Variants in EFNA5 observed in about 807,000 individuals in gnomAD.
The protein encoded by EFNA5 is ephrin-A5.
Under a neutral mutation model 22.9 loss-of-function variants are expected in EFNA5, and 5 were observed. The ratio of observed to expected loss-of-function variants is 0.22; its 90% CI spans 0.11 to 0.46. The LOEUF is 0.46. Ranked by LOEUF, EFNA5 falls within the 20% of genes least tolerant of loss-of-function variation. EFNA5 has a pLI of 0.99. For synonymous variants in EFNA5, 113 were observed against 112.2 expected, an observed-to-expected ratio of 1.01 and a Z score of -0.04; for missense variants, 237 against 293.3, an observed-to-expected ratio of 0.81 and a Z score of 1.40.
Position 107,433,734 on chromosome 5 carries a change from A to G in EFNA5, c.126-6225T>C, listed in dbSNP as rs554098866. On this transcript the variant is annotated intron_variant, in intron 1 of 4. Coordinates refer to ENST00000333274, the MANE Select transcript of EFNA5 (RefSeq NM_001962.3). ...ATATAGTGAGACTCCATCTCTATAA[A>G]ACATTTTTTTAAAAAAATTAGCCAG... Among the ~76,000 whole-genome samples the G allele has an allele frequency of 4.6e-5, 7 of 152,034 alleles. No individual in the cohort carries two copies. In the East Asian group the frequency reaches 1.4e-3, roughly 29 times the overall value.
intron 1 of EFNA5, among the ~76,000 whole-genome samples, chr5:107,492,690 A>G (rs1393720224): frequency 6.6e-6 from 1 of 152,102 alleles, no homozygotes; most frequent in Non-Finnish European, 1.5e-5. Flanking sequence ...AGGGCTCTCA[A>G]TTTCACTCTG....
In EFNA5 at chr5:107,447,371, A is replaced by G. The variant is rs571029842; in HGVS notation, c.126-19862T>C. On this transcript the variant is annotated intron_variant, in intron 1 of 4. Transcript: ENST00000333274. ...TGACCCTCCAACCTTTCCTAATTTG[A>G]TTGACTTTTCACATATTTATGTCCT... 1.1e-3 allele frequency among the ~76,000 whole-genome samples: 174 copies of G among 152,326 alleles called. 1 individual carries two copies. The highest frequency in any genetic ancestry group is 3.3e-3 in the African/African-American group (138 of 41,574).
At chr5:107,384,914 C>T (rs746087042) in intron 4 of EFNA5, among the ~76,000 whole-genome samples, 4 of 151,214 alleles carry the variant, frequency 2.6e-5, no homozygotes, top group Non-Finnish European at 4.4e-5. Context: ...GTGCCTCACA[C>T]CTGTAAGAAA....
At chr5:107,511,347 T>C (rs1747367030) in intron 1 of EFNA5, among the ~76,000 whole-genome samples, 2 of 152,140 alleles carry the variant, frequency 1.3e-5, no homozygotes, top group Admixed American at 6.5e-5. Flanking sequence ...TTTCTAAATA[T>C]AAAATCCCCA....
chr5:107,581,586 G>A (rs753071559), intron 1 of EFNA5, among the ~76,000 whole-genome samples: 11 of 152,190 alleles, frequency 7.2e-5, no homozygotes, highest in Non-Finnish European at 1.6e-4. Context: ...AGCCTTCACC[G>A]CCAGGCCCAA....
intron 1 of EFNA5, among the ~76,000 whole-genome samples, chr5:107,570,721 C>T (rs943082084): frequency 2.0e-5 from 3 of 151,886 alleles, no homozygotes; most frequent in African/African-American, 7.3e-5. Flanking sequence ...ATCTCAGTTT[C>T]TGAAAAAAAA....
chr5:107,437,085 C>G (rs997704690), intron 1 of EFNA5, among the ~76,000 whole-genome samples: 1 of 152,094 alleles, frequency 6.6e-6, no homozygotes, highest in Non-Finnish European at 1.5e-5. Context: ...TCATTACAAT[C>G]TAAATCTGAA....
chr5:107,478,292 C>T (rs754860293), intron 1 of EFNA5, among the ~76,000 whole-genome samples: 1 of 152,164 alleles, frequency 6.6e-6, no homozygotes, highest in Non-Finnish European at 1.5e-5. Flanking sequence ...GTAATATTCT[C>T]AGCATTATTC....
intron 1 of EFNA5, among the ~76,000 whole-genome samples, chr5:107,611,020 T>C (rs1749811748): frequency 6.6e-6 from 1 of 152,160 alleles, no homozygotes; most frequent in African/African-American, 2.4e-5. Context: ...GACCTGGGCA[T>C]TTAACTATGC....
intron 1 of EFNA5, among the ~76,000 whole-genome samples, chr5:107,571,807 G>C (rs141113383): frequency 6.6e-6 from 1 of 152,252 alleles, no homozygotes; most frequent in African/African-American, 2.4e-5. Flanking sequence ...TTCTCGTAGA[G>C]ACACTCCTTT....
At chr5:107,670,368 G>A (rs1751165281) in intron 1 of EFNA5, 121 bp downstream of exon 1, 1 of 1,292,626 alleles carries the variant, frequency 7.7e-7, no homozygotes, top group African/African-American at 1.6e-5. Context: ...CAGCGCCCGG[G>A]CGACGCAGGC....
At chr5:107,560,257 T>C (rs948100880) in intron 1 of EFNA5, among the ~76,000 whole-genome samples, 2 of 152,228 alleles carry the variant, frequency 1.3e-5, no homozygotes, top group African/African-American at 4.8e-5. Context: ...ACTTAAAATA[T>C]TGACTATGTT....
At chr5:107,649,178 A>G (rs142638633) in intron 1 of EFNA5, among the ~76,000 whole-genome samples, 29 of 152,294 alleles carry the variant, frequency 1.9e-4, no homozygotes, top group African/African-American at 6.7e-4. Flanking sequence ...ATCACCTTGT[A>G]AAGATGAAAA....
chr5:107,652,468 G>C (rs1561460772), intron 1 of EFNA5, among the ~76,000 whole-genome samples: 1 of 152,086 alleles, frequency 6.6e-6, no homozygotes, highest in African/African-American at 2.4e-5. Context: ...TATATTAGTG[G>C]CCTGAATGAA....
chr5:107,623,235 G>A (rs1038581419), intron 1 of EFNA5, among the ~76,000 whole-genome samples: 1 of 151,952 alleles, frequency 6.6e-6, no homozygotes, highest in Non-Finnish European at 1.5e-5. Context: ...AAGAGGACAC[G>A]TAATAGTTAA....
At chr5:107,409,196 G>A (rs1245432675) in intron 2 of EFNA5, among the ~76,000 whole-genome samples, 1 of 152,190 alleles carries the variant, frequency 6.6e-6, no homozygotes, top group Non-Finnish European at 1.5e-5. Context: ...ATAAAGACAG[G>A]AGTATGCCTC....
intron 1 of EFNA5, among the ~76,000 whole-genome samples, chr5:107,583,464 G>A (rs924548533): frequency 1.3e-5 from 2 of 152,144 alleles, no homozygotes; most frequent in African/African-American, 2.4e-5. Context: ...GAAATACAAT[G>A]GGCACAATTT....
intron 1 of EFNA5, among the ~76,000 whole-genome samples, chr5:107,473,803 G>A (rs1382750176): frequency 6.6e-6 from 1 of 152,008 alleles, no homozygotes; most frequent in Non-Finnish European, 1.5e-5. Context: ...TGGGATTACA[G>A]GCATGTGCCA....
chr5:107,496,353 AC>A lies in EFNA5; in HGVS notation c.126-68845del, dbSNP rs370804495. On this transcript the variant is annotated intron_variant, in intron 1 of 4. Coordinates refer to ENST00000333274, the MANE Select transcript of EFNA5 (RefSeq NM_001962.3). ...TTCCATCTCAAAAAAAAAAAAAAAA[AC>A]AAAAAAACAAAAAACAACAACTACC... 9.0e-3 allele frequency among the ~76,000 whole-genome samples: 1,276 copies of A among 142,198 alleles called. 106 individuals carry two copies. The highest frequency in any genetic ancestry group is 0.083 in the East Asian group (359 of 4,306). 93.3% of individuals were successfully genotyped at this position (142,198 alleles called of 152,430 possible). A position where few individuals can be genotyped will look rare whatever the true frequency, so the allele number is the denominator to read the frequency against.
Sources: allele counts gnomAD v4.1 joint callset (sites outside exome capture counted in the v4.1 genomes callset), GRCh38; gene constraint gnomAD v4.1.1; transcripts MANE v1.5; gene names NCBI Gene and HGNC (gene_info 2026-07-23, HGNC 2026-07-21).